Variants in MYO5B observed in about 807,000 individuals in gnomAD.
MYO5B encodes myosin VB, also known as unconventional myosin-Vb.
MYO5B carries 143 observed loss-of-function variants against 229.3 expected under a neutral mutation model. The ratio of observed to expected loss-of-function variants is 0.62; its 90% CI spans 0.54 to 0.72. The LOEUF is 0.72. Among genes scored for constraint, MYO5B ranks in the 30% least tolerant of loss-of-function variants. MYO5B has a pLI of 0.00. For missense variants in MYO5B, 2,321 were observed against 2,331.0 expected, an observed-to-expected ratio of 1.00 and a Z score of 0.09; for synonymous variants, 918 against 885.2, an observed-to-expected ratio of 1.04 and a Z score of -0.66.
intron 3 of MYO5B, among the ~76,000 whole-genome samples, chr18:50,038,426 A>G (rs1016089227): frequency 2.6e-5 from 4 of 152,356 alleles, no homozygotes; most frequent in Admixed American, 1.3e-4. Context: ...TCCTCTTGAA[A>G]GAAGTTTGCC....
intron 39 of MYO5B, among the ~76,000 whole-genome samples, chr18:49,833,791 C>T (rs1340796237): frequency 1.3e-5 from 2 of 152,310 alleles, no homozygotes; most frequent in East Asian, 1.9e-4. Flanking sequence ...TCAGTGGCTT[C>T]TGTCATCAAA....
chr18:50,050,675 G>A (rs772262726), intron 2 of MYO5B, among the ~76,000 whole-genome samples: 1 of 152,164 alleles, frequency 6.6e-6, no homozygotes, highest in Non-Finnish European at 1.5e-5. Flanking sequence ...TCAGAGAAAC[G>A]CTTCTCCACA....
intron 1 of MYO5B, among the ~76,000 whole-genome samples, chr18:50,107,108 C>A (rs62098957): frequency 9.2e-6 from 1 of 108,968 alleles, no homozygotes; most frequent in Non-Finnish European, 1.9e-5. Flanking sequence ...CCTTAGGGTG[C>A]CTTTTTTTTT....
intron 1 of MYO5B, among the ~76,000 whole-genome samples, chr18:50,151,298 C>A (rs2032595008): frequency 6.6e-6 from 1 of 152,176 alleles, no homozygotes; most frequent in Non-Finnish European, 1.5e-5. Context: ...TAGCCCACCA[C>A]AAGTTCTTCC....
In MYO5B at chr18:49,929,503, G is replaced by C; in HGVS notation, c.2090+9C>G. 1 of 1,601,714 alleles carries C rather than the reference G, an allele frequency of 6.2e-7. No homozygotes were observed. Among genetic ancestry groups the C allele is most frequent in the Non-Finnish European group, 8.5e-7 (1 of 1,174,844 alleles). On this transcript the variant is annotated intron_variant, in intron 17 of 39. Transcript: ENST00000285039. ...GCCCCAGGAGGCAGCTGGCGGGCAC[G>C]TTAGTTACCTGGATGGGTAGCCAGC...
chr18:50,109,143 G>A (rs2031817186), intron 1 of MYO5B, among the ~76,000 whole-genome samples: 1 of 152,120 alleles, frequency 6.6e-6, no homozygotes, highest in African/African-American at 2.4e-5. Context: ...TTCCACTGAA[G>A]AACCACGATA....
chr18:49,921,000 C>T (rs2025068433), intron 17 of MYO5B, among the ~76,000 whole-genome samples: 1 of 152,176 alleles, frequency 6.6e-6, no homozygotes, highest in South Asian at 2.1e-4. Context: ...AATCAGTTCT[C>T]TATTATTCTT....
At chr18:50,063,534 G>A (rs781215909) in intron 1 of MYO5B, among the ~76,000 whole-genome samples, 19 of 152,276 alleles carry the variant, frequency 1.2e-4, no homozygotes, top group Admixed American at 3.9e-4. Flanking sequence ...AATATACACA[G>A]ACGGGGACAG....
intron 1 of MYO5B, among the ~76,000 whole-genome samples, chr18:50,140,921 G>T (rs959740937): frequency 4.6e-5 from 7 of 152,236 alleles, no homozygotes; most frequent in African/African-American, 1.7e-4. Context: ...ACCAGGAAAA[G>T]CATGAAACGT....
chr18:50,194,637 G>T (rs2033275359), intron 1 of MYO5B, 130 bp downstream of exon 1: 2 of 621,508 alleles, frequency 3.2e-6, no homozygotes, highest in East Asian at 3.4e-5. Context: ...GTGACGAGGA[G>T]GACACCGCGG....
chr18:49,944,475 C>T (rs796497854), intron 14 of MYO5B, among the ~76,000 whole-genome samples: 57 of 152,292 alleles, frequency 3.7e-4, no homozygotes, highest in African/African-American at 1.3e-3. Flanking sequence ...GAAGAGCTTA[C>T]AACCTAGCAG....
At chr18:50,155,051 T>G (rs1326753836) in intron 1 of MYO5B, among the ~76,000 whole-genome samples, 1 of 152,238 alleles carries the variant, frequency 6.6e-6, no homozygotes, top group Non-Finnish European at 1.5e-5. Flanking sequence ...TGGTTTTAAC[T>G]CGGACAAATT....
At chr18:50,006,764 C>T (rs2026106202) in intron 4 of MYO5B, among the ~76,000 whole-genome samples, 1 of 152,172 alleles carries the variant, frequency 6.6e-6, no homozygotes, top group African/African-American at 2.4e-5. Flanking sequence ...ATGCAGGTGG[C>T]TGGCAGGGCA....
chr18:49,929,816 T>G (rs937009430), intron 16 of MYO5B, among the ~76,000 whole-genome samples: 1 of 152,196 alleles, frequency 6.6e-6, no homozygotes, highest in Non-Finnish European at 1.5e-5. Context: ...TCTTCTGTTC[T>G]GTGCCTGAGG....
At chr18:50,109,807 A>G (rs1397237781) in intron 1 of MYO5B, among the ~76,000 whole-genome samples, 1 of 152,200 alleles carries the variant, frequency 6.6e-6, no homozygotes, top group Non-Finnish European at 1.5e-5. Context: ...GGTGAGCTAC[A>G]TACAATGCTC....
intron 1 of MYO5B, among the ~76,000 whole-genome samples, chr18:50,070,709 G>A (rs2030935947): frequency 6.7e-6 from 1 of 148,578 alleles, no homozygotes; most frequent in African/African-American, 2.6e-5. Context: ...GTCATTTACA[G>A]GATAAGTTCA....
intron 4 of MYO5B, among the ~76,000 whole-genome samples, chr18:50,007,912 G>A (rs115501347): frequency 2.6e-5 from 4 of 152,290 alleles, no homozygotes; most frequent in African/African-American, 9.6e-5. Flanking sequence ...GAAAATAGAA[G>A]TTTGGAAAGG....
At chr18:49,905,197 C>A (rs887008702) in intron 19 of MYO5B, among the ~76,000 whole-genome samples, 1 of 152,172 alleles carries the variant, frequency 6.6e-6, no homozygotes, top group Non-Finnish European at 1.5e-5. Context: ...TGCTGCCTGT[C>A]CTCTGTACCT....
intron 1 of MYO5B, among the ~76,000 whole-genome samples, chr18:50,193,164 G>T (rs1235251063): frequency 6.6e-6 from 1 of 152,208 alleles, no homozygotes; most frequent in Non-Finnish European, 1.5e-5. Flanking sequence ...TTCAGTGAAA[G>T]AACTGAAAGC....
Sources: gnomAD v4.1 joint callset for allele counts (sites outside exome capture counted in the v4.1 genomes callset) on GRCh38, gnomAD v4.1.1 for gene constraint, MANE v1.5 for transcripts, NCBI Gene and HGNC (gene_info 2026-07-23, HGNC 2026-07-21) for gene names.